The following CELF3 variants were observed in gnomAD, a reference collection of about 807,000 sequenced individuals.
The protein encoded by CELF3 is CUGBP Elav-like family member 3.
CELF3 carries 26 observed loss-of-function variants against 59.6 expected under a neutral mutation model. The observed-to-expected ratio is 0.44, with a 90% CI of 0.32 to 0.61. The LOEUF is 0.61. Ranked by LOEUF, CELF3 falls within the 20% of genes least tolerant of loss-of-function variation. The pLI, the probability that CELF3 is intolerant of heterozygous loss-of-function variation, is 0.06. For synonymous variants in CELF3, 245 were observed against 250.7 expected (o/e 0.98, Z 0.22); for missense variants, 387 against 627.2 (o/e 0.62, Z 4.09).
At chr1:151,715,524 A>G (rs1240617454) in intron 1 of CELF3, 6 of 683,386 alleles carry the variant, frequency 8.8e-6, no homozygotes, top group Non-Finnish European at 1.1e-5. Flanking sequence ...CTGCACACGC[A>G]CACACACACA....
In CELF3 at chr1:151,707,311, G is replaced by A. The variant is rs199699977; in HGVS notation, c.773-17C>T. ...TGCTGGTTCCTGGGGAGGAGAAAGC[G>A]ACAGGGAGAGAGCAGAGGAGCAGAC... On this transcript the variant is annotated splice_polypyrimidine_tract_variant and intron_variant, in intron 7 of 12. Transcript: ENST00000290583. 1.5e-5 allele frequency: 24 copies of A among 1,566,004 alleles called. No individual in the cohort carries two copies. Among genetic ancestry groups the A allele is most frequent in the Middle Eastern group, 1.7e-4 (1 of 5,778 alleles).
chr1:151,706,879 C>T, intron 8 of CELF3, 145 bp from the exon 9 acceptor site: 1 of 718,262 alleles, frequency 1.4e-6, no homozygotes, highest in Non-Finnish European at 2.2e-6. Flanking sequence ...GGCAGAAATG[C>T]ACAAAGCAGT....
At position 151,709,011 on chromosome 1, in the gene CELF3, C is replaced by A. The variant is rs1672786992; in HGVS notation, c.473G>T (p.Ser158Ile). The part of the protein sequence containing the change: ...AQAAINTLHS[S>I]RTLPGASSSL... The stretch of plus-strand genomic sequence containing the variant: ...AGTGGGGCTCACTGGCAGGGTCCGG[C>A]TGCTGTGAAGGGTGTTGATGGCCGC... The change falls in exon 5 of 13, where the codon AGC (serine) becomes ATC (isoleucine). Residue 158 changes from serine (S) to isoleucine (I), a missense_variant. Physicochemically the swap from Ser to Ile is moderately radical, Grantham distance 142 (BLOSUM62 -2). Transcript: ENST00000290583. The surrounding 1 kb of genome is among the most constrained non-coding windows in gnomAD (Gnocchi z 4.9). The A allele has an allele frequency of 1.9e-6, 3 of 1,613,624 alleles. No homozygotes were observed. The Admixed American group carries it at 5.0e-5, about 27-fold the overall frequency.
chr1:151,704,349 TG>T (rs1672334416), intron 12 of CELF3, among the ~76,000 whole-genome samples: 1 of 152,148 alleles, frequency 6.6e-6, no homozygotes, highest in Non-Finnish European at 1.5e-5. Context: ...CACAGCTCTG[TG>T]GCCATGAGGT....
At position 151,704,321 on chromosome 1, in the gene CELF3, G is replaced by T. The variant is rs147898435; in HGVS notation, c.*10+710C>A. On this transcript the variant is annotated intron_variant, in intron 12 of 12. Coordinates refer to ENST00000290583, the MANE Select transcript of CELF3 (RefSeq NM_007185.7). ...TTTGGTCCAAAGGAGATTAAACAGT[G>T]CGAAAGTAACCAAGGCTCACAGCTC... 1.1e-3 allele frequency among the ~76,000 whole-genome samples: 170 copies of T among 152,280 alleles called. 1 individual carries two copies. The highest frequency in any genetic ancestry group is 1.5e-4 in the Non-Finnish European group (10 of 68,020).
intron 10 of CELF3, 58 bp downstream of exon 10, chr1:151,706,166 A>G: frequency 6.2e-7 from 1 of 1,610,562 alleles, no homozygotes; most frequent in Non-Finnish European, 8.5e-7. Flanking sequence ...GCGGGGTGAC[A>G]GGGAGTCCCC....
At chr1:151,704,820 T>TGTGAGA (rs1333975884) in intron 12 of CELF3, among the ~76,000 whole-genome samples, 36 of 148,258 alleles carry the variant, frequency 2.4e-4, no homozygotes, top group East Asian at 1.2e-3. Flanking sequence ...TGTGTGTGTG[T>TGTGAGA]GAGAGAGAGA....
At chr1:151,703,487 A>C in intron 12 of CELF3, 39 bp from the exon 13 acceptor site, 32 of 272,972 alleles carry the variant, frequency 1.2e-4, no homozygotes, top group East Asian at 1.8e-4. Flanking sequence ...TGGGGAAGAG[A>C]CCCCCGATGC....
chr1:151,709,120 C>A lies in CELF3; in HGVS notation c.407-43G>T, dbSNP rs766490875. 3.1e-6 allele frequency: 5 copies of A among 1,607,100 alleles called. No individual in the cohort carries two copies. The highest frequency in any genetic ancestry group is 4.3e-6 in the Non-Finnish European group (5 of 1,174,746). ...GAGGAGGAGAGGGGTAAGCACCCATCCCTGCGGGACCCCGCGGTGGAACCC... is the reference window on the plus strand; with the variant it reads ...GAGGAGGAGAGGGGTAAGCACCCATACCTGCGGGACCCCGCGGTGGAACCC... On this transcript the variant is annotated intron_variant, in intron 4 of 12. Transcript: ENST00000290583. This position sits in a 1 kb window ranked among gnomAD's most constrained non-coding sequence, Gnocchi z 4.9.
chr1:151,711,984 G>A (rs1390648764), intron 2 of CELF3: 1 of 152,264 alleles, frequency 6.6e-6, no homozygotes, highest in Non-Finnish European at 1.5e-5. Flanking sequence ...ACCACAGCAA[G>A]GACCGTGCTG....
rs1472458233 is a variant in CELF3, at chr1:151,716,765, G to A, written c.-745C>T. 1 of 464,504 alleles carries A rather than the reference G, an allele frequency of 2.2e-6. No homozygotes were observed. The highest frequency in any genetic ancestry group is 1.6e-5 in the South Asian group (1 of 64,202). The allele number at this position is 464,504 out of a possible 1,614,324, so 28.8% of individuals were successfully genotyped here. On this transcript the variant is annotated 5_prime_UTR_variant, in exon 1 of 13. Coordinates refer to ENST00000290583, the MANE Select transcript of CELF3 (RefSeq NM_007185.7). ...TGCTTTCCCGGTCACCTGGGTCCCG[G>A]AGCTCTGCTCTCCGGCCGCGCTCTC... is the stretch of plus-strand genomic sequence containing the variant.
Position 151,716,635 on chromosome 1 carries a change from T to C in CELF3, c.-615A>G. Reference sequence around the variant, plus strand: ...GGCGGCAGGGCTCCAGGGGTCCCTTTTGCCCTGCCGCCCCCCTTCAGGTCC... The same window carrying C: ...GGCGGCAGGGCTCCAGGGGTCCCTTCTGCCCTGCCGCCCCCCTTCAGGTCC... On this transcript the variant is annotated 5_prime_UTR_variant, in exon 1 of 13. Transcript: ENST00000290583. 4 of 375,826 alleles carry C rather than the reference T, an allele frequency of 1.1e-5. No homozygotes were observed. The highest frequency in any genetic ancestry group is 2.2e-5 in the Non-Finnish European group (4 of 182,622). 23.3% of individuals were successfully genotyped at this position (375,826 alleles called of 1,614,324 possible).
chr1:151,716,713 C>T lies in CELF3; in HGVS notation c.-693G>A, dbSNP rs1673503055. Reference sequence around the variant, plus strand: ...CCCAGTCCCCGGGCCTGGGCTGCTGCCGGCTGCTCCCGCCGCTGGGGCTGC... The same window carrying T: ...CCCAGTCCCCGGGCCTGGGCTGCTGTCGGCTGCTCCCGCCGCTGGGGCTGC... On this transcript the variant is annotated 5_prime_UTR_variant, in exon 1 of 13. Transcript: ENST00000290583. The T allele has an allele frequency of 2.3e-6, 1 of 440,820 alleles. No individual in the cohort carries two copies. The highest frequency in any genetic ancestry group is 1.6e-5 in the South Asian group (1 of 62,082). The allele number at this position is 440,820 out of a possible 1,614,324, so 27.3% of individuals were successfully genotyped here.
chr1:151,707,673 G>T, intron 6 of CELF3, 25 bp from the exon 7 acceptor site: 1 of 1,600,972 alleles, frequency 6.2e-7, no homozygotes. Context: ...GAGGAGAGTG[G>T]GGCAGGCCCC....
rs1258830129 is a variant in CELF3, at chr1:151,715,926, C to T, written c.95G>A (p.Arg32Gln). 5.6e-6 allele frequency: 9 copies of T among 1,614,022 alleles called. No homozygotes were observed. The Admixed American group carries it at 6.7e-5, about 12-fold the overall frequency. The change falls in exon 1 of 13, where the codon CGG (arginine) becomes CAG (glutamine). Residue 32 changes from arginine to glutamine, a missense_variant. By Grantham distance (43) the Arg-to-Gln change is conservative (BLOSUM62 1). Transcript: ENST00000290583. ...CTTGATGACAGTCAGCTCAAAGATC[C>T]GACCAAACTGTTCGAAGATGGGCTT... ...DLKPIFEQFG[R>Q]IFELTVIKDK... is the part of the protein sequence containing the mutation.
chr1:151,715,807 C>A, intron 1 of CELF3, 69 bp downstream of exon 1: 4 of 1,595,478 alleles, frequency 2.5e-6, no homozygotes, highest in Non-Finnish European at 3.4e-6. Context: ...TCCACCCCTC[C>A]AGCCTGGCTT....
chr1:151,706,658 G>A lies in CELF3; in HGVS notation c.988+11C>T, dbSNP rs1043878504. The A allele has an allele frequency of 7.1e-6, 11 of 1,551,098 alleles. No individual in the cohort carries two copies. The highest frequency in any genetic ancestry group is 9.6e-6 in the Non-Finnish European group (11 of 1,146,900). On this transcript the variant is annotated intron_variant, in intron 9 of 12. Coordinates refer to ENST00000290583, the MANE Select transcript of CELF3 (RefSeq NM_007185.7). The stretch of plus-strand genomic sequence containing the variant: ...CCCACCTGAGCAGGGGCCCTGGCTA[G>A]GGCGCCTCACCTGTGTAGTGCTGCA...
Position 151,702,144 on chromosome 1 carries a change from C to G in CELF3, c.*1315G>C, listed in dbSNP as rs1245992542. Among the ~76,000 whole-genome samples, 1 of 152,194 alleles carries G rather than the reference C, an allele frequency of 6.6e-6. No individual in the cohort carries two copies. Among genetic ancestry groups the G allele is most frequent in the Non-Finnish European group, 1.5e-5 (1 of 68,024 alleles). On this transcript the variant is annotated 3_prime_UTR_variant, in exon 13 of 13. Transcript: ENST00000290583. ...GTCCTCAGCCTTCAGAGGGACAGAG[C>G]TGGATACAGGGGAGAGCCCCCGACA...
intron 1 of CELF3, chr1:151,715,570 C>T (rs1208384669): frequency 1.5e-5 from 21 of 1,360,410 alleles, no homozygotes; most frequent in Non-Finnish European, 3.9e-6. Context: ...CAAACCAGCT[C>T]TCTTGTCCCT....
Sources: gnomAD v4.1 joint callset for allele counts (sites outside exome capture counted in the v4.1 genomes callset) on GRCh38, gnomAD v4.1.1 for gene constraint, Gnocchi (gnomAD v3.1) non-coding constraint, MANE v1.5 for transcripts, NCBI Gene and HGNC (gene_info 2026-07-23, HGNC 2026-07-21) for gene names.